Variants in SCN3A observed in about 807,000 individuals in gnomAD.
SCN3A encodes sodium channel protein type 3 subunit alpha.
Under a neutral mutation model 187.6 loss-of-function variants are expected in SCN3A, and 60 were observed. The observed-to-expected ratio is 0.32, with a 90% CI of 0.26 to 0.40. The LOEUF (loss-of-function observed/expected upper bound fraction) is 0.40, where lower values mean the gene tolerates loss of function less well. Among genes scored for constraint, SCN3A ranks in the 10% least tolerant of loss-of-function variants. The pLI is 1.00. For synonymous variants in SCN3A, 788 were observed against 829.2 expected, an observed-to-expected ratio of 0.95 and a Z score of 0.85; for missense variants, 1,601 against 2,428.2, an observed-to-expected ratio of 0.66 and a Z score of 7.16.
intron 18 of SCN3A, among the ~76,000 whole-genome samples, chr2:165,124,618 A>T (rs1296007037): frequency 6.6e-6 from 1 of 152,126 alleles, no homozygotes; most frequent in African/African-American, 2.4e-5. Flanking sequence ...TCTAACTCAG[A>T]CTCTGTTTCC....
chr2:165,170,646 G>A (rs1221272609), intron 3 of SCN3A, 98 bp from the exon 4 acceptor site: 1 of 760,338 alleles, frequency 1.3e-6, no homozygotes, highest in African/African-American at 1.8e-5. Flanking sequence ...GAATTTGTTT[G>A]TTCAAACTTG....
intron 11 of SCN3A, among the ~76,000 whole-genome samples, chr2:165,149,436 A>G (rs1688552856): frequency 6.6e-6 from 1 of 152,128 alleles, no homozygotes; most frequent in African/African-American, 2.4e-5. Context: ...CAGCCTCCCA[A>G]AGTGCTGGGA....
chr2:165,097,575 C>A (rs1253574305), intron 22 of SCN3A, 51 bp from the exon 23 acceptor site: 2 of 1,599,590 alleles, frequency 1.3e-6, no homozygotes, highest in Non-Finnish European at 1.7e-6. Flanking sequence ...TGAATGGAAA[C>A]CATTCCTTCA....
Position 165,088,367 on chromosome 2 carries a change from A to G in SCN3A, c.*1783T>C, listed in dbSNP as rs1357162283. ...TTCATGGCTAAAAAGAACAAAGTCCATGTTATATTTGTAATAGCTTTAGTG... is the reference window on the plus strand; with the variant it reads ...TTCATGGCTAAAAAGAACAAAGTCCGTGTTATATTTGTAATAGCTTTAGTG... On this transcript the variant is annotated 3_prime_UTR_variant, in exon 28 of 28. Transcript: ENST00000283254. 2 of 152,510 alleles carry G rather than the reference A, an allele frequency of 1.3e-5. No homozygotes were observed. The highest frequency in any genetic ancestry group is 2.9e-5 in the Non-Finnish European group (2 of 67,948). 9.4% of individuals were successfully genotyped at this position (152,510 alleles called of 1,614,324 possible). A position where few individuals can be genotyped will look rare whatever the true frequency, so the allele number is the denominator to read the frequency against.
chr2:165,159,586 C>T lies in SCN3A; in HGVS notation c.1031+2722G>A, dbSNP rs906688173. On this transcript the variant is annotated intron_variant, in intron 9 of 27. Coordinates refer to ENST00000283254, the MANE Select transcript of SCN3A (RefSeq NM_006922.4). ...CTATGCTGCCCAGGCCAGTCTCAAA[C>T]TCTTGGGCTCAAATGATCTTCCCCT... 2.8e-4 allele frequency among the ~76,000 whole-genome samples: 38 copies of T among 134,314 alleles called. 6 individuals carry two copies. The highest frequency in any genetic ancestry group is 1.1e-3 in the African/African-American group (37 of 32,652). 88.1% of individuals were successfully genotyped at this position (134,314 alleles called of 152,430 possible).
intron 9 of SCN3A, among the ~76,000 whole-genome samples, chr2:165,161,841 CT>C (rs1364545533): frequency 6.6e-6 from 1 of 152,164 alleles, no homozygotes; most frequent in Non-Finnish European, 1.5e-5. Context: ...GAAATACATG[CT>C]CCTTCAAGAA....
chr2:165,138,442 C>A (rs1306228548), intron 14 of SCN3A, among the ~76,000 whole-genome samples: 4 of 152,110 alleles, frequency 2.6e-5, no homozygotes, highest in African/African-American at 9.7e-5. Flanking sequence ...CATTACACAA[C>A]TATTAAAATT....
At chr2:165,100,279 A>C (rs201818013) in intron 22 of SCN3A, 23 bp downstream of exon 22, 1 of 1,611,940 alleles carries the variant, frequency 6.2e-7, no homozygotes, top group South Asian at 1.1e-5. Context: ...GACATGAATA[A>C]TTAGAGTGTC....
intron 21 of SCN3A, 62 bp downstream of exon 21, chr2:165,112,823 T>A: frequency 7.1e-7 from 1 of 1,404,820 alleles, no homozygotes; most frequent in South Asian, 1.2e-5. Context: ...AACAGAAACA[T>A]ATGAAATGTC....
chr2:165,106,286 C>A (rs181793600), intron 21 of SCN3A, among the ~76,000 whole-genome samples: 490 of 152,198 alleles, frequency 3.2e-3, no homozygotes, highest in Non-Finnish European at 5.1e-3. Context: ...GTCTGGAATT[C>A]TTAATTTGGC....
At chr2:165,139,111 C>T (rs13015737) in intron 14 of SCN3A, among the ~76,000 whole-genome samples, 20,104 of 152,030 alleles carry the variant, frequency 0.13, 1,450 homozygotes, top group Non-Finnish European at 0.16. Flanking sequence ...CACTTCCATG[C>T]CTGAAGAACA....
intron 1 of SCN3A, among the ~76,000 whole-genome samples, chr2:165,198,395 C>T (rs1257717711): frequency 2.0e-5 from 3 of 151,876 alleles, no homozygotes; most frequent in Non-Finnish European, 4.4e-5. Context: ...TTATTTTCCC[C>T]AACTGGCGAA....
At chr2:165,091,729 G>T in intron 27 of SCN3A, 1 of 278,514 alleles carries the variant, frequency 3.6e-6, no homozygotes, top group South Asian at 4.2e-5. Context: ...AGAGAAATGG[G>T]CCATATTTGA....
chr2:165,132,639 A>T (rs1192483175), intron 15 of SCN3A, among the ~76,000 whole-genome samples: 3 of 152,224 alleles, frequency 2.0e-5, no homozygotes, highest in Admixed American at 2.0e-4. Flanking sequence ...TTCAAGATGG[A>T]TTAAAGACTT....
intron 1 of SCN3A, among the ~76,000 whole-genome samples, chr2:165,192,845 AC>A (rs1254437390): frequency 6.6e-6 from 1 of 152,116 alleles, no homozygotes; most frequent in African/African-American, 2.4e-5. Flanking sequence ...TTGACTACCT[AC>A]CACAGTAAGC....
At position 165,092,379 on chromosome 2, in the gene SCN3A, A is replaced by G; in HGVS notation, c.4682T>C (p.Ile1561Thr). The change falls in exon 27 of 28, where the codon ATC becomes ACC. Residue 1561 changes from isoleucine to threonine, a missense_variant. Ile to Thr is a moderately conservative substitution (Grantham distance 89, BLOSUM62 -1). Transcript: ENST00000283254. This position sits in a 1 kb window ranked among gnomAD's most constrained non-coding sequence, Gnocchi z 4.2. ...GKYMTLVLSRINLVFIVLFTG... is the reference protein window; with the variant it reads ...GKYMTLVLSRTNLVFIVLFTG... ...GAACAGAACAATGAACACTAGGTTG[A>G]TCCGGGACAAAACTAGGGTCATGTA... The G allele has an allele frequency of 6.2e-7, 1 of 1,613,994 alleles. No homozygotes were observed. Among genetic ancestry groups the G allele is most frequent in the Non-Finnish European group, 8.5e-7 (1 of 1,179,950 alleles).
chr2:165,149,022 A>G (rs1433744093), intron 11 of SCN3A, among the ~76,000 whole-genome samples: 2 of 152,126 alleles, frequency 1.3e-5, no homozygotes, highest in African/African-American at 4.8e-5. Context: ...TATCCAAATA[A>G]AGTCCTTAAT....
intron 17 of SCN3A, among the ~76,000 whole-genome samples, chr2:165,128,959 C>T (rs1330613424): frequency 2.0e-5 from 3 of 152,064 alleles, no homozygotes; most frequent in Non-Finnish European, 2.9e-5. Context: ...ATATTTTTAG[C>T]CTGAAATGTA....
At chr2:165,091,456 T>G (rs987979231) in intron 27 of SCN3A, 111 bp from the exon 28 acceptor site, 24 of 1,303,036 alleles carry the variant, frequency 1.8e-5, no homozygotes, top group Middle Eastern at 1.8e-4. Flanking sequence ...TATGAGCCTT[T>G]ATTAAATATT....
Sources: gnomAD v4.1 joint callset for allele counts (sites outside exome capture counted in the v4.1 genomes callset) on GRCh38, gnomAD v4.1.1 for gene constraint, Gnocchi (gnomAD v3.1) non-coding constraint, MANE v1.5 for transcripts, NCBI Gene and HGNC (gene_info 2026-07-23, HGNC 2026-07-21) for gene names.